Variants in KIF16B observed in about 807,000 individuals in gnomAD.
KIF16B encodes the protein kinesin-like protein KIF16B.
In KIF16B, 98 loss-of-function variants were observed where a neutral mutation model predicts 156.3. The observed-to-expected ratio is 0.63, with a 90% CI of 0.53 to 0.74. KIF16B has a LOEUF of 0.74. Among genes scored for constraint, KIF16B ranks in the 30% least tolerant of loss-of-function variants. The pLI is 0.00. For missense variants in KIF16B, 1,421 were observed against 1,606.5 expected (o/e 0.88, Z 1.97); for synonymous variants, 564 against 583.7 (o/e 0.97, Z 0.49).
intron 23 of KIF16B, among the ~76,000 whole-genome samples, chr20:16,355,337 GATAAA>G (rs1398960927): frequency 1.3e-5 from 2 of 152,302 alleles, no homozygotes; most frequent in East Asian, 3.9e-4. Flanking sequence ...GAGTTTCACA[GATAAA>G]ATAAAATCTG....
Position 16,454,600 on chromosome 20 carries a change from A to G in KIF16B, c.1303-24618T>C, listed in dbSNP as rs142070886. On this transcript the variant is annotated intron_variant, in intron 12 of 25. Coordinates refer to ENST00000354981, the MANE Select transcript of KIF16B (RefSeq NM_024704.5). ...TTGAAACAGCATCAGTAACATTGTA[A>G]CTAATAATAAAATTACTTAATAAAG... is the stretch of plus-strand genomic sequence containing the variant. Among the ~76,000 whole-genome samples, 484 of 152,180 alleles carry G rather than the reference A, an allele frequency of 3.2e-3. 3 individuals carry two copies. The highest frequency in any genetic ancestry group is 0.02 in the East Asian group (105 of 5,184).
chr20:16,498,919 G>C (rs1485950908), intron 10 of KIF16B, among the ~76,000 whole-genome samples: 1 of 145,784 alleles, frequency 6.9e-6, no homozygotes, highest in Non-Finnish European at 1.5e-5. Flanking sequence ...GATCTTCTTC[G>C]GCACTGTTAA....
intron 4 of KIF16B, among the ~76,000 whole-genome samples, chr20:16,514,971 A>G (rs1429322703): frequency 6.6e-6 from 1 of 151,722 alleles, no homozygotes; most frequent in Non-Finnish European, 1.5e-5. Context: ...AGTTCTTGCA[A>G]TAATTCCTAG....
chr20:16,278,661 C>T (rs973969813), intron 25 of KIF16B, among the ~76,000 whole-genome samples: 2 of 152,190 alleles, frequency 1.3e-5, no homozygotes, highest in African/African-American at 2.4e-5. Context: ...TGTTTAAAAT[C>T]TCCCCAAAAC....
chr20:16,397,612 C>T (rs562283789), intron 17 of KIF16B, among the ~76,000 whole-genome samples: 1 of 152,308 alleles, frequency 6.6e-6, no homozygotes, highest in African/African-American at 2.4e-5. Flanking sequence ...CAATAATTTG[C>T]AAACCAGTCA....
intron 12 of KIF16B, among the ~76,000 whole-genome samples, chr20:16,433,613 T>TCA (rs368183791): frequency 0.025 from 3,726 of 149,288 alleles, 56 homozygotes; most frequent in Non-Finnish European, 0.033. Context: ...ACACACACAC[T>TCA]CACACACACA....
chr20:16,401,157 G>A (rs2065647185), intron 17 of KIF16B, among the ~76,000 whole-genome samples: 1 of 152,184 alleles, frequency 6.6e-6, no homozygotes. Flanking sequence ...GGGTAGCAGA[G>A]AGAAAATGTG....
intron 24 of KIF16B, among the ~76,000 whole-genome samples, chr20:16,327,070 C>CACAT (rs1294417919): frequency 2.6e-5 from 2 of 76,892 alleles, no homozygotes; most frequent in Admixed American, 1.3e-4. Flanking sequence ...TATACATGTA[C>CACAT]ACACACACAC....
At chr20:16,507,408 T>C (rs2068818444) in intron 7 of KIF16B, among the ~76,000 whole-genome samples, 1 of 152,210 alleles carries the variant, frequency 6.6e-6, no homozygotes, top group Non-Finnish European at 1.5e-5. Flanking sequence ...CATTCATCTA[T>C]TCTACTGGCC....
intron 23 of KIF16B, among the ~76,000 whole-genome samples, chr20:16,342,223 T>G (rs1298450597): frequency 6.6e-6 from 1 of 152,058 alleles, no homozygotes; most frequent in Admixed American, 6.5e-5. Flanking sequence ...AATTCATTTA[T>G]GTAACTAATA....
At chr20:16,551,810 C>T (rs2070676911) in intron 1 of KIF16B, among the ~76,000 whole-genome samples, 1 of 152,124 alleles carries the variant, frequency 6.6e-6, no homozygotes, top group East Asian at 1.9e-4. Flanking sequence ...CTCAGCTGAC[C>T]AAACAGTCTG....
At position 16,508,116 on chromosome 20, in the gene KIF16B, G is replaced by A; in HGVS notation, c.557-16C>T. On this transcript the variant is annotated splice_polypyrimidine_tract_variant and intron_variant, in intron 6 of 25. Coordinates refer to ENST00000354981, the MANE Select transcript of KIF16B (RefSeq NM_024704.5). ...TTGGATAAATCTGAAAAAGAAAATG[G>A]AAGGGGTGAAGAAATCCCCCTAATA... The A allele has an allele frequency of 1.2e-6, 2 of 1,613,288 alleles. No homozygotes were observed. Among genetic ancestry groups the A allele is most frequent in the Non-Finnish European group, 1.7e-6 (2 of 1,179,394 alleles).
intron 10 of KIF16B, among the ~76,000 whole-genome samples, chr20:16,500,189 T>A (rs575918766): frequency 6.6e-6 from 1 of 152,332 alleles, no homozygotes; most frequent in East Asian, 1.9e-4. Flanking sequence ...CCCACGAACA[T>A]GTATACGTAT....
intron 12 of KIF16B, among the ~76,000 whole-genome samples, chr20:16,476,497 C>CA (rs943245318): frequency 5.3e-5 from 8 of 152,210 alleles, no homozygotes; most frequent in African/African-American, 1.7e-4. Flanking sequence ...TTAAATTTAA[C>CA]AAAAAGCAAT....
chr20:16,349,849 C>T (rs563757076), intron 23 of KIF16B, among the ~76,000 whole-genome samples: 1 of 152,188 alleles, frequency 6.6e-6, no homozygotes, highest in East Asian at 1.9e-4. Context: ...ATCTCTTGGC[C>T]CTAAGTGTCT....
rs780217603 is a variant in KIF16B, at chr20:16,504,468, G to T, written c.1080C>A (p.Asn360Lys). 2.5e-6 allele frequency: 4 copies of T among 1,614,074 alleles called. No homozygotes were observed. The highest frequency in any genetic ancestry group is 3.4e-6 in the Non-Finnish European group (4 of 1,179,936). ...RYANRAKNII[N>K]KPTINEDANV... ...TGGCATCCTCATTAATGGTAGGCTT[G>T]TTGATGATGTTTTTGGCTCTATTTG... Residue 360 changes from asparagine (N) to lysine (K), a missense_variant, in exon 10 of 26, where the codon AAC (asparagine) becomes AAA (lysine). Physicochemically the swap from Asn to Lys is moderately conservative, Grantham distance 94. Coordinates refer to ENST00000354981, the MANE Select transcript of KIF16B (RefSeq NM_024704.5).
intron 17 of KIF16B, among the ~76,000 whole-genome samples, chr20:16,401,582 C>G (rs897873426): frequency 6.6e-6 from 1 of 152,120 alleles, no homozygotes; most frequent in Non-Finnish European, 1.5e-5. Context: ...TGAATGACAC[C>G]TTATACAGAA....
chr20:16,398,173 G>A (rs986952536), intron 17 of KIF16B, among the ~76,000 whole-genome samples: 4 of 152,218 alleles, frequency 2.6e-5, no homozygotes, highest in Non-Finnish European at 5.9e-5. Context: ...GCTCAAAAGA[G>A]GAAGAGGACT....
chr20:16,528,503 T>A, intron 1 of KIF16B, 63 bp from the exon 2 acceptor site: 1 of 1,186,304 alleles, frequency 8.4e-7, no homozygotes, highest in Non-Finnish European at 1.3e-6. Flanking sequence ...AAAACAAAAC[T>A]AAACCCATTT....
Sources: allele counts gnomAD v4.1 joint callset (sites outside exome capture counted in the v4.1 genomes callset), GRCh38; gene constraint gnomAD v4.1.1; transcripts MANE v1.5; gene names NCBI Gene and HGNC (gene_info 2026-07-23, HGNC 2026-07-21).